ZNF469: variants seen among roughly 807,000 people sequenced by gnomAD.
The protein encoded by ZNF469 is zinc finger protein 469.
A neutral mutation model predicts 1.0 loss-of-function variants in ZNF469; 1 was observed. The observed-to-expected ratio is 1.00, with a 90% CI of 0.35 to 4.73. The LOEUF is 4.73. Ranked by LOEUF, ZNF469 falls within the 30% of genes most tolerant of loss-of-function variation. The pLI is 0.16. For missense variants in ZNF469, 6,100 were observed against 5,356.3 expected (o/e 1.14, Z -4.33); for synonymous variants, 2,703 against 2,363.4 (o/e 1.14, Z -4.17).
the ZNF469 span, among the ~76,000 whole-genome samples, chr16:88,176,337 A>G: frequency 6.0e-5 from 9 of 150,236 alleles, no homozygotes; most frequent in Non-Finnish European, 1.2e-4. Context: ...CCTTGAGGCC[A>G]TCCACCCAGA....
chr16:88,323,271 G>A, the ZNF469 span, among the ~76,000 whole-genome samples: 1 of 152,160 alleles, frequency 6.6e-6, no homozygotes, highest in Non-Finnish European at 1.5e-5. Context: ...ATGCCCCTGG[G>A]AGGCTGGGGA....
At chr16:88,292,827 C>G in the ZNF469 span, among the ~76,000 whole-genome samples, 1 of 136,074 alleles carries the variant, frequency 7.3e-6, no homozygotes, top group African/African-American at 2.7e-5. Flanking sequence ...AAACCTCTAA[C>G]AGAATTTGAT....
intron 1 of ZNF469, among the ~76,000 whole-genome samples, chr16:88,399,695 A>G (rs1358125827): frequency 2.0e-5 from 3 of 152,256 alleles, no homozygotes; most frequent in Non-Finnish European, 4.4e-5. Flanking sequence ...TGAGGCCCAC[A>G]TATGTGAGCT....
At chr16:88,345,827 C>T in the ZNF469 span, among the ~76,000 whole-genome samples, 5 of 152,160 alleles carry the variant, frequency 3.3e-5, no homozygotes, top group Non-Finnish European at 5.9e-5. Flanking sequence ...CCAGCCCGCC[C>T]GCCAGGCCCC....
At chr16:88,170,641 CT>C in the ZNF469 span, among the ~76,000 whole-genome samples, 39 of 152,164 alleles carry the variant, frequency 2.6e-4, no homozygotes, top group Admixed American at 7.2e-4. The surrounding 1 kb of genome is among the most constrained non-coding windows in gnomAD (Gnocchi z 4.2). Context: ...CTGTAGCATG[CT>C]CCGTCATGTC....
At chr16:88,166,784 C>CACACACACACAT in the ZNF469 span, among the ~76,000 whole-genome samples, 5 of 151,622 alleles carry the variant, frequency 3.3e-5, no homozygotes, top group Non-Finnish European at 7.4e-5. The surrounding 1 kb of genome is among the most constrained non-coding windows in gnomAD (Gnocchi z 4.5). Flanking sequence ...CACACACACA[C>CACACACACACAT]ACACACACAC....
chr16:88,103,793 G>T, the ZNF469 span, among the ~76,000 whole-genome samples: 1 of 149,800 alleles, frequency 6.7e-6, no homozygotes, highest in South Asian at 2.1e-4. Flanking sequence ...TGGCATGGGG[G>T]GTTGGTGGGA....
chr16:88,103,499 G>A, the ZNF469 span, among the ~76,000 whole-genome samples: 4 of 152,210 alleles, frequency 2.6e-5, no homozygotes, highest in African/African-American at 9.6e-5. Flanking sequence ...TCCTGGGTGG[G>A]GCTGTCACTG....
chr16:88,139,407 A>T, the ZNF469 span, among the ~76,000 whole-genome samples: 182 of 150,110 alleles, frequency 1.2e-3, no homozygotes, highest in African/African-American at 4.2e-3. Flanking sequence ...TGGCCTGGGG[A>T]CGTGATGAGG....
At chr16:88,355,665 G>A in the ZNF469 span, among the ~76,000 whole-genome samples, 1 of 152,210 alleles carries the variant, frequency 6.6e-6, no homozygotes, top group Non-Finnish European at 1.5e-5. Context: ...GGACCCGCAG[G>A]AAGCCCAGGC....
Position 88,436,335 on chromosome 16 carries a change from C to A in ZNF469, c.8865C>A (p.Ala2955=). 2 of 1,549,528 alleles carry A rather than the reference C, an allele frequency of 1.3e-6. No homozygotes were observed. Among genetic ancestry groups the A allele is most frequent in the Non-Finnish European group, 1.7e-6 (2 of 1,146,384 alleles). Residue 2955 remains alanine (A), a synonymous_variant, in exon 3 of 3, where the codon GCC becomes GCA. Transcript: ENST00000565624. The part of the protein sequence containing the change: ...NSRVPGIDPW[A]PGLSLWALEP... ...GGGTGCCTGGCATTGACCCCTGGGCCCCCGGCCTCAGCCTGTGGGCCCTGG... is the reference window on the plus strand; with the variant it reads ...GGGTGCCTGGCATTGACCCCTGGGCACCCGGCCTCAGCCTGTGGGCCCTGG...
At chr16:88,115,722 GCCGT>G in the ZNF469 span, among the ~76,000 whole-genome samples, 4 of 126,520 alleles carry the variant, frequency 3.2e-5, no homozygotes, top group Non-Finnish European at 6.7e-5. Flanking sequence ...GGTCCTTCCA[GCCGT>G]ACTCCTTCTG....
upstream of ZNF469, among the ~76,000 whole-genome samples, chr16:88,380,348 C>CACAG (rs2092518080): frequency 4.3e-5 from 5 of 116,206 alleles, 2 homozygotes; most frequent in African/African-American, 7.1e-5. Context: ...TGCGCTCACA[C>CACAG]ACATGCGCTC....
At chr16:88,188,054 A>T in the ZNF469 span, among the ~76,000 whole-genome samples, 1 of 151,936 alleles carries the variant, frequency 6.6e-6, no homozygotes, top group South Asian at 2.1e-4. Context: ...TCCACTTTGG[A>T]GCTCAGGGCC....
the ZNF469 span, among the ~76,000 whole-genome samples, chr16:88,373,242 C>T: frequency 6.6e-6 from 1 of 152,366 alleles, no homozygotes; most frequent in East Asian, 1.9e-4. Context: ...CAGGGCTCCT[C>T]CTGCAGTGGC....
At chr16:88,371,726 T>G in the ZNF469 span, among the ~76,000 whole-genome samples, 2 of 152,164 alleles carry the variant, frequency 1.3e-5, no homozygotes, top group Admixed American at 6.5e-5. Context: ...CATCACAGCT[T>G]GGTTGCTTGT....
chr16:88,316,472 G>A, the ZNF469 span, among the ~76,000 whole-genome samples: 7 of 151,912 alleles, frequency 4.6e-5, no homozygotes, highest in South Asian at 8.4e-4. Flanking sequence ...ACACCCCGAC[G>A]GTGGGCCTGG....
chr16:88,113,952 C>A, the ZNF469 span, among the ~76,000 whole-genome samples: 1 of 152,178 alleles, frequency 6.6e-6, no homozygotes, highest in African/African-American at 2.4e-5. Flanking sequence ...CAGGGCCGCA[C>A]TGGGCAGGGC....
chr16:88,330,322 C>T, the ZNF469 span, among the ~76,000 whole-genome samples: 20 of 152,222 alleles, frequency 1.3e-4, no homozygotes, highest in African/African-American at 4.8e-4. Context: ...TGTGTACTGT[C>T]GGATACGGTC....
Sources: allele counts gnomAD v4.1 joint callset (sites outside exome capture counted in the v4.1 genomes callset), GRCh38; gene constraint gnomAD v4.1.1; non-coding constraint Gnocchi (gnomAD v3.1); transcripts MANE v1.5; gene names NCBI Gene and HGNC (gene_info 2026-07-23, HGNC 2026-07-21).